FER: variants seen among roughly 807,000 people sequenced by gnomAD.
FER encodes the protein FER tyrosine kinase, also known as tyrosine-protein kinase Fer.
A neutral mutation model predicts 111.0 loss-of-function variants in FER; 63 were observed. The ratio of observed to expected loss-of-function variants is 0.57; its 90% CI spans 0.46 to 0.70. The LOEUF is 0.70. Ranked by LOEUF, FER falls within the 30% of genes least tolerant of loss-of-function variation. FER has a pLI of 0.00. For synonymous variants in FER, 327 were observed against 313.9 expected, an observed-to-expected ratio of 1.04 and a Z score of -0.44; for missense variants, 914 against 954.0, an observed-to-expected ratio of 0.96 and a Z score of 0.55.
At chr5:108,837,176 CT>C (rs1760754664) in intron 5 of FER, among the ~76,000 whole-genome samples, 1 of 152,188 alleles carries the variant, frequency 6.6e-6, no homozygotes, top group Admixed American at 6.5e-5. Flanking sequence ...GATTTTCAAA[CT>C]TCCTATACCT....
chr5:108,790,934 T>G (rs1393881121), intron 2 of FER, among the ~76,000 whole-genome samples: 2 of 152,208 alleles, frequency 1.3e-5, no homozygotes, highest in Non-Finnish European at 2.9e-5. Flanking sequence ...TTTGACCTAG[T>G]AAAACATTTT....
intron 16 of FER, among the ~76,000 whole-genome samples, chr5:109,054,718 A>G (rs936159024): frequency 4.6e-5 from 7 of 152,182 alleles, no homozygotes; most frequent in African/African-American, 1.7e-4. Flanking sequence ...GAAGTTTAAA[A>G]TTTATATTTG....
chr5:109,173,439 A>G lies in FER; in HGVS notation c.2049-7308A>G, dbSNP rs568747652. Among the ~76,000 whole-genome samples, 15 of 152,374 alleles carry G rather than the reference A, an allele frequency of 9.8e-5. No homozygotes were observed. The South Asian group carries it at 2.5e-3, about 25-fold the overall frequency. Reference sequence around the variant, plus strand: ...CCAGTAGGATCTTCCTCTGCTATTGAGACGAAATAACCCGATAGAGAATAA... The same window carrying G: ...CCAGTAGGATCTTCCTCTGCTATTGGGACGAAATAACCCGATAGAGAATAA... On this transcript the variant is annotated intron_variant, in intron 17 of 19. Coordinates refer to ENST00000281092, the MANE Select transcript of FER (RefSeq NM_005246.4).
At chr5:108,950,976 A>T (rs1281851304) in intron 11 of FER, among the ~76,000 whole-genome samples, 1 of 152,052 alleles carries the variant, frequency 6.6e-6, no homozygotes, top group Non-Finnish European at 1.5e-5. Flanking sequence ...TTAAAAAAAA[A>T]ATAAATTTAT....
At chr5:108,753,110 G>A (rs1240212346) in intron 1 of FER, among the ~76,000 whole-genome samples, 1 of 152,090 alleles carries the variant, frequency 6.6e-6, no homozygotes, top group Admixed American at 6.5e-5. Flanking sequence ...ATGAGACAAT[G>A]TAGGTAAGAT....
At chr5:108,876,806 A>G (rs1292003357) in intron 8 of FER, among the ~76,000 whole-genome samples, 1 of 152,232 alleles carries the variant, frequency 6.6e-6, no homozygotes, top group East Asian at 1.9e-4. Flanking sequence ...GATTTTGATT[A>G]TAAACACTAA....
At chr5:109,027,632 C>T (rs1244997053) in intron 13 of FER, among the ~76,000 whole-genome samples, 1 of 152,086 alleles carries the variant, frequency 6.6e-6, no homozygotes, top group Non-Finnish European at 1.5e-5. Flanking sequence ...AGAAATGGCA[C>T]AACCATCCAA....
At chr5:108,839,925 T>A (rs569544919) in intron 5 of FER, among the ~76,000 whole-genome samples, 11 of 152,270 alleles carry the variant, frequency 7.2e-5, no homozygotes, top group Non-Finnish European at 1.5e-4. Flanking sequence ...TTATCGGGAC[T>A]GACTTTAATT....
intron 10 of FER, among the ~76,000 whole-genome samples, chr5:108,910,503 A>G (rs1180686787): frequency 6.6e-6 from 1 of 152,088 alleles, no homozygotes; most frequent in Non-Finnish European, 1.5e-5. Flanking sequence ...TCCATTTTAG[A>G]TTCAGTAGGT....
intron 17 of FER, among the ~76,000 whole-genome samples, chr5:109,136,495 T>C (rs1752911760): frequency 6.6e-6 from 1 of 152,186 alleles, no homozygotes; most frequent in African/African-American, 2.4e-5. Context: ...TTCATATTTC[T>C]CACAGTTATT....
At chr5:109,029,349 A>C (rs571224804) in intron 13 of FER, among the ~76,000 whole-genome samples, 9 of 148,578 alleles carry the variant, frequency 6.1e-5, no homozygotes, top group African/African-American at 2.2e-4. Context: ...TGCACCCACT[A>C]ACTCGTCATC....
Position 109,188,757 on chromosome 5 carries a change from C to A in FER, c.*1182C>A, listed in dbSNP as rs1160708258. 1 of 152,168 alleles carries A rather than the reference C, an allele frequency of 6.6e-6. No individual in the cohort carries two copies. Among genetic ancestry groups the A allele is most frequent in the African/African-American group, 2.4e-5 (1 of 41,436 alleles). 9.4% of individuals were successfully genotyped at this position (152,168 alleles called of 1,614,324 possible). A position where few individuals can be genotyped will look rare whatever the true frequency, so the allele number is the denominator to read the frequency against. On this transcript the variant is annotated 3_prime_UTR_variant, in exon 20 of 20. Transcript: ENST00000281092. Reference sequence around the variant, plus strand: ...GCAACAAAAATTTTGAGAGAAACTGCAAAGCACAAATCCACAGAAATAACA... The same window carrying A: ...GCAACAAAAATTTTGAGAGAAACTGAAAAGCACAAATCCACAGAAATAACA...
intron 16 of FER, among the ~76,000 whole-genome samples, chr5:109,079,899 C>A (rs1159990): frequency 1.3e-5 from 2 of 151,990 alleles, no homozygotes; most frequent in African/African-American, 4.8e-5. Context: ...ACATGCTTTT[C>A]TAGCAGTTTC....
intron 13 of FER, among the ~76,000 whole-genome samples, chr5:109,002,994 G>A (rs1251231994): frequency 2.6e-5 from 4 of 152,126 alleles, no homozygotes; most frequent in East Asian, 3.9e-4. Context: ...TGGAGAAATA[G>A]GAACACTTTT....
intron 17 of FER, among the ~76,000 whole-genome samples, chr5:109,179,709 A>C (rs1391158631): frequency 6.6e-6 from 1 of 152,156 alleles, no homozygotes; most frequent in Non-Finnish European, 1.5e-5. Flanking sequence ...CATAGCATTT[A>C]CAATGTATTA....
At chr5:108,898,150 A>G (rs1000319236) in intron 10 of FER, among the ~76,000 whole-genome samples, 9 of 152,206 alleles carry the variant, frequency 5.9e-5, no homozygotes, top group Admixed American at 4.6e-4. Context: ...CTTATTCTTA[A>G]GAGAGAAGTA....
chr5:109,169,607 T>A (rs1269504485), intron 17 of FER, among the ~76,000 whole-genome samples: 2 of 152,202 alleles, frequency 1.3e-5, no homozygotes, highest in African/African-American at 4.8e-5. Flanking sequence ...TTACTTCTTT[T>A]GAATTCCTAT....
At chr5:109,117,174 A>G (rs934812285) in intron 17 of FER, among the ~76,000 whole-genome samples, 7 of 152,126 alleles carry the variant, frequency 4.6e-5, no homozygotes, top group African/African-American at 1.7e-4. Flanking sequence ...TCTTTCAGGA[A>G]TACATTCTAG....
rs902173447 is a variant in FER at position 108,829,177 on chromosome 5, A to G, written c.208-3593A>G. Among the ~76,000 whole-genome samples the G allele has an allele frequency of 2.6e-5, 4 of 152,360 alleles. No individual in the cohort carries two copies. In the South Asian group the frequency reaches 8.3e-4, roughly 32 times the overall value. On this transcript the variant is annotated intron_variant, in intron 3 of 19. Transcript: ENST00000281092. ...CCACCCAGCTAATTCAAGGAATTAT[A>G]TCATCCAAAGATCTTTTTGTTTGTG...
Sources: allele counts gnomAD v4.1 joint callset (sites outside exome capture counted in the v4.1 genomes callset), GRCh38; gene constraint gnomAD v4.1.1; transcripts MANE v1.5; gene names NCBI Gene and HGNC (gene_info 2026-07-23, HGNC 2026-07-21).